STAU2: variants seen among roughly 807,000 people sequenced by gnomAD.
STAU2 encodes the protein staufen double-stranded RNA binding protein 2, also known as double-stranded RNA-binding protein Staufen homolog 2.
Under a neutral mutation model 65.9 loss-of-function variants are expected in STAU2, and 20 were observed. That is an observed-to-expected ratio of 0.30 (90% CI 0.21 to 0.44). The LOEUF (loss-of-function observed/expected upper bound fraction) is 0.44. Among genes scored for constraint, STAU2 ranks in the 20% least tolerant of loss-of-function variants. STAU2 has a pLI of 1.00. For missense variants in STAU2, 558 were observed against 683.9 expected (o/e 0.82, Z 2.05); for synonymous variants, 232 against 233.9 (o/e 0.99, Z 0.07).
intron 9 of STAU2, among the ~76,000 whole-genome samples, chr8:73,607,474 A>G (rs549817729): frequency 6.6e-6 from 1 of 152,228 alleles, no homozygotes; most frequent in Admixed American, 6.5e-5. Context: ...TCATGCCTGT[A>G]ATCTCAGCAC....
At chr8:73,465,151 C>A (rs981896361) in intron 13 of STAU2, among the ~76,000 whole-genome samples, 4 of 152,184 alleles carry the variant, frequency 2.6e-5, no homozygotes, top group African/African-American at 9.7e-5. Context: ...TGAGCCCACC[C>A]CGGCCCACAC....
rs556617499 is a variant in STAU2, at chr8:73,517,768, G to A, written c.1530+34244C>T. Among the ~76,000 whole-genome samples the A allele has an allele frequency of 4.1e-4, 62 of 152,210 alleles. 2 individuals are homozygous for A. Among genetic ancestry groups the A allele is most frequent in the Middle Eastern group, 6.8e-3 (2 of 294 alleles). On this transcript the variant is annotated intron_variant, in intron 13 of 14. Coordinates refer to ENST00000524300, the MANE Select transcript of STAU2 (RefSeq NM_001164380.2). ...GTGGGAGAAGGAAAGCAATAAGTAA[G>A]TTCGTGGCCTTTGACTCTAGTCCAA...
intron 13 of STAU2, among the ~76,000 whole-genome samples, chr8:73,475,537 T>C (rs927815311): frequency 2.0e-5 from 3 of 152,238 alleles, no homozygotes; most frequent in African/African-American, 7.2e-5. Flanking sequence ...ATGGATTTTG[T>C]TCCATTTTTG....
intron 13 of STAU2, among the ~76,000 whole-genome samples, chr8:73,522,262 G>A (rs573989573): frequency 5.6e-4 from 85 of 152,270 alleles, no homozygotes; most frequent in Non-Finnish European, 1.0e-3. Context: ...AAGATACTTA[G>A]TAACATCTAA....
chr8:73,423,003 A>T (rs10282949), intron 13 of STAU2, among the ~76,000 whole-genome samples: 70,919 of 151,832 alleles, frequency 0.47, 16,963 homozygotes, highest in African/African-American at 0.56. Flanking sequence ...CCATGGTGAC[A>T]TTGCATAATT....
At chr8:73,622,293 A>ATT (rs112367264) in intron 6 of STAU2, among the ~76,000 whole-genome samples, 49 of 107,172 alleles carry the variant, frequency 4.6e-4, no homozygotes, top group African/African-American at 2.2e-3. Flanking sequence ...CGCCCGGCTA[A>ATT]TTTTTTGTAT....
intron 13 of STAU2, among the ~76,000 whole-genome samples, chr8:73,529,292 T>C (rs987407605): frequency 5.3e-5 from 8 of 152,204 alleles, no homozygotes; most frequent in Non-Finnish European, 1.2e-4. Flanking sequence ...AATAGGTTTA[T>C]GTAAAAGCCA....
At chr8:73,573,938 A>C (rs1809312039) in intron 12 of STAU2, among the ~76,000 whole-genome samples, 1 of 152,238 alleles carries the variant, frequency 6.6e-6, no homozygotes, top group Non-Finnish European at 1.5e-5. Context: ...TCTGCACAGC[A>C]AAAGAAACTA....
chr8:73,698,923 T>TAAA (rs34819729), intron 4 of STAU2, among the ~76,000 whole-genome samples: 27 of 129,094 alleles, frequency 2.1e-4, no homozygotes, highest in African/African-American at 5.3e-4. Flanking sequence ...CTTAAAACAT[T>TAAA]AAAAAAAAAA....
chr8:73,615,650 G>A, intron 8 of STAU2, 25 bp downstream of exon 8: 1 of 1,559,866 alleles, frequency 6.4e-7, no homozygotes, highest in Non-Finnish European at 8.8e-7. Flanking sequence ...GGGAAAAAAT[G>A]GGAAGATCTC....
At chr8:73,502,075 A>G (rs1821790314) in intron 13 of STAU2, among the ~76,000 whole-genome samples, 1 of 151,926 alleles carries the variant, frequency 6.6e-6, no homozygotes, top group Admixed American at 6.6e-5. Flanking sequence ...ATTTTCTTAA[A>G]ATTGGATTTT....
intron 13 of STAU2, among the ~76,000 whole-genome samples, chr8:73,489,588 C>T (rs1476411654): frequency 6.6e-6 from 1 of 151,986 alleles, no homozygotes; most frequent in East Asian, 1.9e-4. Context: ...CTTAGATTGA[C>T]CACCATTGGC....
intron 13 of STAU2, among the ~76,000 whole-genome samples, chr8:73,448,827 T>A (rs1354908191): frequency 1.3e-5 from 2 of 152,254 alleles, no homozygotes; most frequent in Non-Finnish European, 2.9e-5. Flanking sequence ...GGACGTCGCG[T>A]GCCTGCACTG....
intron 5 of STAU2, among the ~76,000 whole-genome samples, chr8:73,687,744 C>T (rs1256628808): frequency 3.3e-5 from 5 of 151,722 alleles, no homozygotes; most frequent in Non-Finnish European, 7.4e-5. Context: ...CAGAGTCTCG[C>T]TCTGTCGCCC....
intron 13 of STAU2, among the ~76,000 whole-genome samples, chr8:73,469,997 G>C (rs567672943): frequency 6.6e-6 from 1 of 152,296 alleles, no homozygotes; most frequent in Non-Finnish European, 1.5e-5. Context: ...CCTGGATTTA[G>C]GTCTCTCAAA....
intron 4 of STAU2, among the ~76,000 whole-genome samples, chr8:73,691,685 A>C (rs187154321): frequency 1.4e-4 from 22 of 152,178 alleles, no homozygotes; most frequent in South Asian, 4.1e-4. Flanking sequence ...AACTACCACA[A>C]CACCACCTGT....
At position 73,688,686 on chromosome 8, in the gene STAU2, T is replaced by C; in HGVS notation, c.242A>G (p.Lys81Arg). Residue 81 changes from lysine (K) to arginine (R), a missense_variant, in exon 5 of 15, where the codon AAG (lysine) becomes AGG (arginine). By Grantham distance (26) the Lys-to-Arg change is conservative. Around this residue, in one of 3 missense-constraint regions of STAU2, gnomAD observed 112 missense variants for 114.2 expected, o/e 0.98. Coordinates refer to ENST00000524300, the MANE Select transcript of STAU2 (RefSeq NM_001164380.2). ...TESTLPKPVQ[K>R]PPKSNVNNNP... ...ATTGTTAACATTACTTTTGGGTGGC[T>C]TCTGAACTGGTTTGGGAAGCGTAGA... 2 of 1,614,190 alleles carry C rather than the reference T, an allele frequency of 1.2e-6. No homozygotes were observed. The highest frequency in any genetic ancestry group is 1.7e-6 in the Non-Finnish European group (2 of 1,180,038).
At chr8:73,508,799 T>C (rs1822212571) in intron 13 of STAU2, among the ~76,000 whole-genome samples, 1 of 152,222 alleles carries the variant, frequency 6.6e-6, no homozygotes, top group Non-Finnish European at 1.5e-5. Context: ...AGTTCATCCA[T>C]GTTGTAATAT....
chr8:73,443,170 T>G (rs1367511816), intron 13 of STAU2, among the ~76,000 whole-genome samples: 1 of 152,074 alleles, frequency 6.6e-6, no homozygotes, highest in Non-Finnish European at 1.5e-5. Flanking sequence ...TCTGGTAGTA[T>G]CAAAGCCCAG....
Sources: allele counts gnomAD v4.1 joint callset (sites outside exome capture counted in the v4.1 genomes callset), GRCh38; gene constraint gnomAD v4.1.1; regional missense constraint gnomAD v4.1.1; transcripts MANE v1.5; gene names NCBI Gene and HGNC (gene_info 2026-07-23, HGNC 2026-07-21).